Variants in CCDC92 observed in about 807,000 individuals in gnomAD.
The protein encoded by CCDC92 is coiled-coil domain-containing protein 92.
CCDC92 carries 12 observed loss-of-function variants against 24.9 expected under a neutral mutation model. That is an observed-to-expected ratio of 0.48 (90% CI 0.31 to 0.78). The LOEUF (loss-of-function observed/expected upper bound fraction) is 0.78, where lower values mean the gene tolerates loss of function less well. Ranked by LOEUF, CCDC92 falls within the 30% of genes least tolerant of loss-of-function variation. The pLI, the probability that CCDC92 is intolerant of heterozygous loss-of-function variation, is 0.05. For synonymous variants in CCDC92, 193 were observed against 196.3 expected (o/e 0.98, Z 0.14); for missense variants, 399 against 439.4 (o/e 0.91, Z 0.82).
chr12:123,936,728 G>C lies in CCDC92; in HGVS notation c.*330C>G, dbSNP rs555755774. 5.1e-5 allele frequency: 23 copies of C among 447,326 alleles called. No homozygotes were observed. The Admixed American group carries it at 9.2e-4, about 18-fold the overall frequency. The allele number at this position is 447,326 out of a possible 1,614,324, so 27.7% of individuals were successfully genotyped here. Reference sequence around the variant, plus strand: ...TTGCTCCGACTTGAGAATGAATTAGGTGTGTGACTGTGTGGCATCGTGAAC... The same window carrying C: ...TTGCTCCGACTTGAGAATGAATTAGCTGTGTGACTGTGTGGCATCGTGAAC... On this transcript the variant is annotated 3_prime_UTR_variant, in exon 5 of 5. Coordinates refer to ENST00000238156, the MANE Select transcript of CCDC92 (RefSeq NM_025140.3).
In CCDC92 at chr12:123,936,574, A is replaced by C; in HGVS notation, c.*484T>G. The stretch of plus-strand genomic sequence containing the variant: ...CTCGGTGATCGGTGCCGCCCTGGGA[A>C]AGGTTGGTCAGGAGGTGACAGGGGT... On this transcript the variant is annotated 3_prime_UTR_variant, in exon 5 of 5. Transcript: ENST00000238156. 5.8e-6 allele frequency: 1 copy of C among 171,472 alleles called. No individual in the cohort carries two copies. The highest frequency in any genetic ancestry group is 1.3e-5 in the Non-Finnish European group (1 of 79,464). 10.6% of individuals were successfully genotyped at this position (171,472 alleles called of 1,614,324 possible).
intron 4 of CCDC92, among the ~76,000 whole-genome samples, chr12:123,941,513 ACT>A (rs1243928251): frequency 1.3e-5 from 2 of 152,204 alleles, no homozygotes; most frequent in Admixed American, 6.5e-5. Flanking sequence ...GGAACTGGAC[ACT>A]CTCATGAATA....
intron 1 of CCDC92, among the ~76,000 whole-genome samples, chr12:123,960,554 G>A (rs1487846467): frequency 1.3e-5 from 2 of 152,170 alleles, no homozygotes; most frequent in Non-Finnish European, 2.9e-5. Context: ...TGGCATTGAA[G>A]CTGAGATGTG....
intron 4 of CCDC92, among the ~76,000 whole-genome samples, chr12:123,938,559 C>G (rs1410827560): frequency 6.6e-6 from 1 of 152,214 alleles, no homozygotes; most frequent in Non-Finnish European, 1.5e-5. Flanking sequence ...CCTGCAGTCC[C>G]TGGTCACCTC....
At chr12:123,950,390 G>A (rs965605885) in intron 1 of CCDC92, among the ~76,000 whole-genome samples, 3 of 152,074 alleles carry the variant, frequency 2.0e-5, no homozygotes, top group Non-Finnish European at 4.4e-5. Flanking sequence ...GAGGGTCCAC[G>A]TTAGAAAATC....
At chr12:123,951,563 A>G (rs1013926576) in intron 1 of CCDC92, among the ~76,000 whole-genome samples, 7 of 152,256 alleles carry the variant, frequency 4.6e-5, no homozygotes, top group African/African-American at 1.4e-4. Context: ...GTTATGACCC[A>G]TTCACATTTG....
intron 1 of CCDC92, among the ~76,000 whole-genome samples, chr12:123,971,149 A>G (rs1956519380): frequency 6.6e-6 from 1 of 152,254 alleles, no homozygotes; most frequent in Non-Finnish European, 1.5e-5. Context: ...AAATGTACCT[A>G]AACTAAATTT....
rs1177551249 is a variant in CCDC92 at position 123,936,273 on chromosome 12, C to T, written c.*785G>A. The T allele has an allele frequency of 1.3e-5, 2 of 152,556 alleles. No homozygotes were observed. Among genetic ancestry groups the T allele is most frequent in the Non-Finnish European group, 2.9e-5 (2 of 68,306 alleles). The allele number at this position is 152,556 out of a possible 1,614,324, so 9.5% of individuals were successfully genotyped here. On this transcript the variant is annotated 3_prime_UTR_variant, in exon 5 of 5. Transcript: ENST00000238156. ...AGCTTCCCACAGAAGCTCAGGAGCGCAGCACATTCTAAGGACTAGCTCTGG... is the reference window on the plus strand; with the variant it reads ...AGCTTCCCACAGAAGCTCAGGAGCGTAGCACATTCTAAGGACTAGCTCTGG...
intron 1 of CCDC92, chr12:123,960,992 CAT>C (rs572930849): frequency 1.0e-3 from 152 of 152,364 alleles, no homozygotes; most frequent in African/African-American, 3.3e-3. Context: ...ATCAAGCCAG[CAT>C]ATGTTTCTAA....
chr12:123,970,163 CAAA>C (rs1956493437), intron 1 of CCDC92: 2 of 151,826 alleles, frequency 1.3e-5, no homozygotes, highest in Non-Finnish European at 2.9e-5. Context: ...CATAAGAAAA[CAAA>C]AAACAAAAGC....
At chr12:123,960,923 G>T (rs573547685) in intron 1 of CCDC92, 1 of 152,162 alleles carries the variant, frequency 6.6e-6, no homozygotes, top group Non-Finnish European at 1.5e-5. Flanking sequence ...AGTTTACAAG[G>T]CCTTTACAAT....
At position 123,937,485 on chromosome 12, in the gene CCDC92, T is replaced by C. The variant is rs756443057; in HGVS notation, c.569A>G (p.Lys190Arg). The C allele has an allele frequency of 6.2e-6, 10 of 1,612,894 alleles. No homozygotes were observed. In the African/African-American group the frequency reaches 1.3e-4, roughly 22 times the overall value. ...TAGCTTGTCTTTGGGGGGCGCTGGC[T>C]TGTAGCTGGCCAGCACGGGGCTCCC... ...PSGSPVLASYKPAPPKDKLPE... is the reference protein window; with the variant it reads ...PSGSPVLASYRPAPPKDKLPE... Residue 190 changes from lysine to arginine, a missense_variant, in exon 5 of 5, where the codon AAG (lysine) becomes AGG (arginine). Coordinates refer to ENST00000238156, the MANE Select transcript of CCDC92 (RefSeq NM_025140.3). The surrounding 1 kb of genome is among the most constrained non-coding windows in gnomAD (Gnocchi z 8.4).
At chr12:123,942,536 A>C (rs564215897) in intron 4 of CCDC92, among the ~76,000 whole-genome samples, 1 of 152,336 alleles carries the variant, frequency 6.6e-6, no homozygotes, top group African/African-American at 2.4e-5. Context: ...AAGAAAACAA[A>C]ATCACTCATC....
At position 123,937,252 on chromosome 12, in the gene CCDC92, T is replaced by TG. The variant is rs773752200; in HGVS notation, c.801dup (p.Ile268HisfsTer145). The TG allele has an allele frequency of 5.0e-6, 8 of 1,610,948 alleles. No individual in the cohort carries two copies. The highest frequency in any genetic ancestry group is 3.4e-6 in the Non-Finnish European group (4 of 1,179,750). On this transcript the variant is annotated frameshift_variant, in exon 5 of 5. Coordinates refer to ENST00000238156, the MANE Select transcript of CCDC92 (RefSeq NM_025140.3). LOFTEE classifies it high-confidence loss of function. The surrounding 1 kb of genome is among the most constrained non-coding windows in gnomAD (Gnocchi z 8.4). ...TGCTCGCCGCTTCGGTCGGAGGCGATGGGGGGGATGACGAGGGGCCTCTCT... is the reference window on the plus strand; with the variant it reads ...TGCTCGCCGCTTCGGTCGGAGGCGATGGGGGGGGATGACGAGGGGCCTCTCT...
intron 1 of CCDC92, among the ~76,000 whole-genome samples, chr12:123,953,747 C>T (rs146676218): frequency 0.042 from 6,317 of 152,148 alleles, 405 homozygotes; most frequent in African/African-American, 0.13. Flanking sequence ...CACTGCACTC[C>T]GGCCTGGGCG....
chr12:123,938,846 C>T (rs1394939240), intron 4 of CCDC92, among the ~76,000 whole-genome samples: 1 of 152,100 alleles, frequency 6.6e-6, no homozygotes, highest in Non-Finnish European at 1.5e-5. Context: ...CATCCCTGGC[C>T]TCCCCTCCCT....
chr12:123,937,219 G>T lies in CCDC92; in HGVS notation c.835C>A (p.Pro279Thr), dbSNP rs769392304. The T allele has an allele frequency of 5.0e-6, 8 of 1,610,062 alleles. No individual in the cohort carries two copies. The highest frequency in any genetic ancestry group is 6.8e-6 in the Non-Finnish European group (8 of 1,179,584). Residue 279 changes from proline to threonine, a missense_variant, in exon 5 of 5, where the codon CCG (proline) becomes ACG (threonine). Coordinates refer to ENST00000238156, the MANE Select transcript of CCDC92 (RefSeq NM_025140.3). This position sits in a 1 kb window ranked among gnomAD's most constrained non-coding sequence, Gnocchi z 8.4. ...GCCTTGTGCGGCTTTTCGCGGGCCG[G>T]GCTGTGCTGCTCGCCGCTTCGGTCG... ...ASDRSGEQHS[P>T]AREKPHKAHV...
chr12:123,950,486 T>C (rs1214267877), intron 1 of CCDC92, among the ~76,000 whole-genome samples: 1 of 152,200 alleles, frequency 6.6e-6, no homozygotes, highest in Non-Finnish European at 1.5e-5. Flanking sequence ...CAAAGGTTCC[T>C]AGGAAGCTGG....
chr12:123,944,197 GTCTGTCC>G (rs756694757), intron 2 of CCDC92, 68 bp downstream of exon 2: 8 of 924,724 alleles, frequency 8.7e-6, no homozygotes, highest in Non-Finnish European at 1.3e-5. Context: ...GGTGTCTGGA[GTCTGTCC>G]CCAATGCTTG....
Sources: allele counts gnomAD v4.1 joint callset (sites outside exome capture counted in the v4.1 genomes callset), GRCh38; gene constraint gnomAD v4.1.1; non-coding constraint Gnocchi (gnomAD v3.1); transcripts MANE v1.5; gene names NCBI Gene and HGNC (gene_info 2026-07-23, HGNC 2026-07-21).